ZNF292: variants seen among roughly 807,000 people sequenced by gnomAD.
ZNF292 encodes the protein zinc finger protein 292.
In ZNF292, 26 loss-of-function variants were observed where a neutral mutation model predicts 217.9. That is an observed-to-expected ratio of 0.12 (90% CI 0.09 to 0.17). The LOEUF (loss-of-function observed/expected upper bound fraction) is 0.17, where lower values mean the gene tolerates loss of function less well. Ranked by LOEUF, ZNF292 falls within the 10% of genes least tolerant of loss-of-function variation. The probability of loss-of-function intolerance (pLI) is 1.00; values close to 1 mark genes in which losing one functional copy is unlikely to be tolerated. For synonymous variants in ZNF292, 1,257 were observed against 1,124.1 expected (o/e 1.12, Z -2.37); for missense variants, 2,904 against 3,175.2 (o/e 0.91, Z 2.05).
intron 1 of ZNF292, chr6:87,169,707 C>T (rs897338012): frequency 1.8e-5 from 8 of 443,472 alleles, no homozygotes; most frequent in East Asian, 7.4e-5. Flanking sequence ...AATGCAGTGA[C>T]GCCATCAGAG....
chr6:87,249,649 ACT>A (rs1238098681), intron 7 of ZNF292, among the ~76,000 whole-genome samples: 2 of 151,894 alleles, frequency 1.3e-5, no homozygotes, highest in Non-Finnish European at 2.9e-5. Flanking sequence ...TGGTGTAATA[ACT>A]CTCTTCATTT....
Position 87,259,883 on chromosome 6 carries a change from A to G in ZNF292, c.6254A>G (p.His2085Arg), listed in dbSNP as rs1397964000. 1.2e-6 allele frequency: 2 copies of G among 1,613,560 alleles called. No homozygotes were observed. Among genetic ancestry groups the G allele is most frequent in the Non-Finnish European group, 1.7e-6 (2 of 1,179,674 alleles). ...ACCAAAGGACGGAAGATTAGGAGGC[A>G]TAAAAAAGAAAAGGAGGAGAAAAAA... ...TQTKGRKIRR[H>R]KKEKEEKKRK... is the part of the protein sequence containing the mutation. The change falls in exon 8 of 8, where the codon CAT becomes CGT. Residue 2085 changes from histidine (H) to arginine (R), a missense_variant. Around this residue, in one of 15 missense-constraint regions of ZNF292, gnomAD observed 261 missense variants for 272.8 expected, o/e 0.96. Coordinates refer to ENST00000369577, the MANE Select transcript of ZNF292 (RefSeq NM_015021.3).
intron 1 of ZNF292, among the ~76,000 whole-genome samples, chr6:87,183,623 GAGAATCATAAA>G (rs1771538740): frequency 6.6e-6 from 1 of 152,140 alleles, no homozygotes; most frequent in Admixed American, 6.5e-5. Context: ...AAGGGGATTT[GAGAATCATAAA>G]ATACCACAGA....
Position 87,170,565 on chromosome 6 carries a change from C to G in ZNF292, c.168+14806C>G, listed in dbSNP as rs187167064. Among the ~76,000 whole-genome samples the G allele has an allele frequency of 5.1e-3, 770 of 152,272 alleles. 4 individuals are homozygous for G. Among genetic ancestry groups the G allele is most frequent in the South Asian group, 0.011 (51 of 4,834 alleles). On this transcript the variant is annotated intron_variant, in intron 1 of 7. Coordinates refer to ENST00000369577, the MANE Select transcript of ZNF292 (RefSeq NM_015021.3). ...AAAAGATTACCTGATACTGCAAATT[C>G]TGCCTAAGGAGAAATTATTTTCAAC...
At chr6:87,213,975 C>G (rs1012902896) in intron 1 of ZNF292, 1 of 152,088 alleles carries the variant, frequency 6.6e-6, no homozygotes, top group Non-Finnish European at 1.5e-5. Context: ...TGGGAAGAAA[C>G]AGGGGAAGGT....
intron 1 of ZNF292, among the ~76,000 whole-genome samples, chr6:87,195,602 A>G (rs1383740559): frequency 6.6e-6 from 1 of 152,224 alleles, no homozygotes; most frequent in Admixed American, 6.5e-5. Context: ...TGACCGTTAA[A>G]ATTTTCATTA....
At chr6:87,174,297 A>G (rs1771207282) in intron 1 of ZNF292, 1 of 152,348 alleles carries the variant, frequency 6.6e-6, no homozygotes, top group Non-Finnish European at 1.5e-5. Flanking sequence ...TGATTTGTCC[A>G]AGAACATTAA....
Position 87,258,772 on chromosome 6 carries a change from G to C in ZNF292, c.5143G>C (p.Val1715Leu), listed in dbSNP as rs748527926. 6.2e-7 allele frequency: 1 copy of C among 1,613,554 alleles called. No individual in the cohort carries two copies. The highest frequency in any genetic ancestry group is 8.5e-7 in the Non-Finnish European group (1 of 1,179,738). The change falls in exon 8 of 8, where the codon GTG becomes CTG. Residue 1715 changes from valine (V) to leucine (L), a missense_variant. Val to Leu is a conservative substitution (Grantham distance 32, BLOSUM62 1). Coordinates refer to ENST00000369577, the MANE Select transcript of ZNF292 (RefSeq NM_015021.3). ...NFKTSLESHT[V>L]LAPLTLKTEN... Reference sequence around the variant, plus strand: ...CAAAACCAGTCTTGAGTCCCATACAGTGTTAGCCCCTTTAACATTAAAAAC... The same window carrying C: ...CAAAACCAGTCTTGAGTCCCATACACTGTTAGCCCCTTTAACATTAAAAAC...
At chr6:87,168,089 C>G in intron 1 of ZNF292, among the ~76,000 whole-genome samples, 1 of 152,272 alleles carries the variant, frequency 6.6e-6, no homozygotes, top group East Asian at 1.9e-4. Context: ...AGAGGCAAGA[C>G]CAACCAGATT....
At chr6:87,211,272 TTTTAAAC>T (rs2127797588) in intron 1 of ZNF292, among the ~76,000 whole-genome samples, 1 of 152,364 alleles carries the variant, frequency 6.6e-6, no homozygotes, top group African/African-American at 2.4e-5. Flanking sequence ...AAAGTGTCTC[TTTTAAAC>T]TTCAACCTAG....
chr6:87,227,748 C>T (rs1308024229), intron 4 of ZNF292, among the ~76,000 whole-genome samples: 2 of 152,064 alleles, frequency 1.3e-5, no homozygotes, highest in Non-Finnish European at 2.9e-5. Flanking sequence ...AAGATTCATC[C>T]GTGTGGTAGC....
rs1479678747 is a variant in ZNF292 at position 87,257,206 on chromosome 6, C to T, written c.3577C>T (p.Pro1193Ser). 2 of 1,613,718 alleles carry T rather than the reference C, an allele frequency of 1.2e-6. No homozygotes were observed. Among genetic ancestry groups the T allele is most frequent in the Admixed American group, 1.7e-5 (1 of 59,940 alleles). The change falls in exon 8 of 8, where the codon CCA (proline) becomes TCA (serine). Residue 1193 changes from proline to serine, a missense_variant. By Grantham distance (74) the Pro-to-Ser change is moderately conservative. Transcript: ENST00000369577. ...GCAGCATGTCTCGCCACCCATTTTT[C>T]CAGCTCATTTAGCAAGTGTGTCAAC... ...QLQHVSPPIF[P>S]AHLASVSTPL...
intron 1 of ZNF292, among the ~76,000 whole-genome samples, chr6:87,179,047 T>C (rs1387429623): frequency 6.6e-6 from 1 of 152,108 alleles, no homozygotes; most frequent in Non-Finnish European, 1.5e-5. Context: ...TTATGAACTA[T>C]AGTGATAGCA....
At chr6:87,176,253 A>G (rs1011841942) in intron 1 of ZNF292, among the ~76,000 whole-genome samples, 1 of 152,174 alleles carries the variant, frequency 6.6e-6, no homozygotes. Flanking sequence ...ATACAGGGAA[A>G]CCTGTGTATT....
At chr6:87,168,594 C>T (rs1349249318) in intron 1 of ZNF292, among the ~76,000 whole-genome samples, 1 of 152,088 alleles carries the variant, frequency 6.6e-6, no homozygotes, top group African/African-American at 2.4e-5. Flanking sequence ...CTCAGTCTCC[C>T]GAGTAACTGG....
chr6:87,180,678 C>G (rs1442863691), intron 1 of ZNF292, among the ~76,000 whole-genome samples: 3 of 91,234 alleles, frequency 3.3e-5, no homozygotes, highest in African/African-American at 2.3e-4. Flanking sequence ...CCCCTTAAGC[C>G]CCAGCAACCA....
intron 1 of ZNF292, among the ~76,000 whole-genome samples, chr6:87,202,400 C>CT (rs1401976502): frequency 6.6e-6 from 1 of 152,112 alleles, no homozygotes; most frequent in East Asian, 1.9e-4. Context: ...GATCTTATAT[C>CT]TAACTACTAT....
chr6:87,219,892 A>G (rs562187800), intron 4 of ZNF292, among the ~76,000 whole-genome samples: 1 of 152,294 alleles, frequency 6.6e-6, no homozygotes, highest in African/African-American at 2.4e-5. Flanking sequence ...CGGTGGTGCG[A>G]TCATGGCTCA....
chr6:87,198,192 A>G (rs1369139259), intron 1 of ZNF292, among the ~76,000 whole-genome samples: 3 of 147,540 alleles, frequency 2.0e-5, no homozygotes, highest in Non-Finnish European at 4.4e-5. Context: ...TTATTTATTT[A>G]TTTATTTATT....
Sources: allele counts gnomAD v4.1 joint callset (sites outside exome capture counted in the v4.1 genomes callset), GRCh38; gene constraint gnomAD v4.1.1; regional missense constraint gnomAD v4.1.1; transcripts MANE v1.5; gene names NCBI Gene and HGNC (gene_info 2026-07-23, HGNC 2026-07-21).